Variants in KALRN observed in about 807,000 individuals in gnomAD.
The protein encoded by KALRN is kalirin.
Under a neutral mutation model 353.7 loss-of-function variants are expected in KALRN, and 70 were observed. That is an observed-to-expected ratio of 0.20 (90% CI 0.16 to 0.24). The LOEUF (loss-of-function observed/expected upper bound fraction) is 0.24. KALRN is among the 10% of genes least tolerant of loss of function. The probability of loss-of-function intolerance (pLI) is 1.00; values close to 1 mark genes in which losing one functional copy is unlikely to be tolerated. For missense variants in KALRN, 2,791 were observed against 3,756.7 expected (o/e 0.74, Z 6.72); for synonymous variants, 1,391 against 1,434.8 (o/e 0.97, Z 0.69).
At chr3:124,524,554 C>G (rs529811137) in intron 33 of KALRN, among the ~76,000 whole-genome samples, 1 of 152,196 alleles carries the variant, frequency 6.6e-6, no homozygotes, top group African/African-American at 2.4e-5. Context: ...AAATGACTAT[C>G]CTTTAAAAAA....
At chr3:124,534,534 G>A (rs1180254240) in intron 33 of KALRN, among the ~76,000 whole-genome samples, 2 of 152,026 alleles carry the variant, frequency 1.3e-5, no homozygotes, top group Admixed American at 6.6e-5. Context: ...AGAACTTCAA[G>A]TAAAATAAAA....
At chr3:124,670,487 A>G (rs2086270699) in intron 47 of KALRN, among the ~76,000 whole-genome samples, 1 of 152,230 alleles carries the variant, frequency 6.6e-6, no homozygotes, top group Non-Finnish European at 1.5e-5. Context: ...ATGACGGACC[A>G]GGGCCAGGCT....
chr3:124,540,562 C>T (rs755411343), intron 33 of KALRN, among the ~76,000 whole-genome samples: 6 of 152,184 alleles, frequency 3.9e-5, no homozygotes, highest in Non-Finnish European at 5.9e-5. Context: ...TTTTGGAGAG[C>T]TGGAGTGGAC....
intron 33 of KALRN, among the ~76,000 whole-genome samples, chr3:124,550,984 G>A (rs930570338): frequency 3.3e-5 from 5 of 151,822 alleles, no homozygotes; most frequent in Admixed American, 2.0e-4. Context: ...GCAAGACTCC[G>A]TCTCAAAATA....
At chr3:124,493,734 C>T (rs187246568) in intron 32 of KALRN, among the ~76,000 whole-genome samples, 7 of 152,152 alleles carry the variant, frequency 4.6e-5, no homozygotes, top group African/African-American at 7.2e-5. Context: ...CCTATGAAGC[C>T]GCAGCAGCAT....
intron 33 of KALRN, among the ~76,000 whole-genome samples, chr3:124,533,735 A>G (rs752766459): frequency 2.6e-5 from 4 of 152,194 alleles, no homozygotes; most frequent in Non-Finnish European, 5.9e-5. Context: ...CAAGCACATT[A>G]AGGACACTGG....
chr3:124,231,951 A>G (rs2079207374), intron 2 of KALRN, among the ~76,000 whole-genome samples: 1 of 152,128 alleles, frequency 6.6e-6, no homozygotes, highest in Non-Finnish European at 1.5e-5. Flanking sequence ...AAAGTCCTCC[A>G]CCTACCTACC....
chr3:124,351,687 T>C (rs1434057867), intron 10 of KALRN, among the ~76,000 whole-genome samples: 1 of 152,196 alleles, frequency 6.6e-6, no homozygotes, highest in Non-Finnish European at 1.5e-5. Context: ...TCAGTCTTTG[T>C]AGTAAAGACA....
At chr3:124,169,893 A>C (rs2071482213) in intron 1 of KALRN, among the ~76,000 whole-genome samples, 1 of 152,142 alleles carries the variant, frequency 6.6e-6, no homozygotes, top group Admixed American at 6.5e-5. Flanking sequence ...TTTTCCACGA[A>C]GGAAACTAGA....
chr3:124,420,164 A>G (rs2092712333), intron 14 of KALRN, among the ~76,000 whole-genome samples: 2 of 152,232 alleles, frequency 1.3e-5, no homozygotes, highest in Non-Finnish European at 2.9e-5. Context: ...CACATAAAAC[A>G]ACATCAAATG....
intron 1 of KALRN, among the ~76,000 whole-genome samples, chr3:124,165,888 C>T (rs2070764529): frequency 6.6e-6 from 1 of 152,174 alleles, no homozygotes; most frequent in Admixed American, 6.5e-5. Flanking sequence ...GCCTCTTTCT[C>T]AAACCTCTCT....
intron 37 of KALRN, among the ~76,000 whole-genome samples, chr3:124,642,746 G>A (rs1357907861): frequency 6.8e-6 from 1 of 148,084 alleles, no homozygotes; most frequent in African/African-American, 2.5e-5. Context: ...TTGCAGAGGT[G>A]TATGTTTCCA....
chr3:124,491,388 G>C lies in KALRN; in HGVS notation c.4653G>C (p.Gly1551=). The C allele has an allele frequency of 6.2e-7, 1 of 1,610,102 alleles. No individual in the cohort carries two copies. Among genetic ancestry groups the C allele is most frequent in the Non-Finnish European group, 8.5e-7 (1 of 1,177,924 alleles). The change falls in exon 31 of 60, where the codon GGG becomes GGC. Residue 1551 remains glycine, a synonymous_variant. Coordinates refer to ENST00000682506, the MANE Select transcript of KALRN (RefSeq NM_001388419.1). ...GDPCKFALWS[G]RTPSSDNKTV... ...CCTGCAAATTCGCCTTGTGGTCTGG[G>C]CGCACCCCATCCTCAGACAATAAAA...
intron 34 of KALRN, among the ~76,000 whole-genome samples, chr3:124,629,799 TC>T (rs71270412): frequency 0.015 from 1,170 of 75,676 alleles, 15 homozygotes; most frequent in African/African-American, 0.064. Flanking sequence ...TTTCATTTTT[TC>T]TCTCTCTCTC....
intron 51 of KALRN, chr3:124,679,749 A>G (rs1221370760): frequency 3.5e-6 from 2 of 578,424 alleles, no homozygotes; most frequent in South Asian, 2.0e-5. Context: ...GTTATCTTGA[A>G]TGCTTGCTAA....
chr3:124,697,749 T>G, intron 55 of KALRN, 25 bp downstream of exon 55: 1 of 1,478,800 alleles, frequency 6.8e-7, no homozygotes, highest in Admixed American at 2.7e-5. Flanking sequence ...GCTCTTCTTT[T>G]TCTTTTCTCT....
At chr3:124,600,005 A>G (rs1235075597) in intron 34 of KALRN, among the ~76,000 whole-genome samples, 1 of 152,234 alleles carries the variant, frequency 6.6e-6, no homozygotes, top group Non-Finnish European at 1.5e-5. Flanking sequence ...CTACCAGCAT[A>G]TGCAAGCCAG....
At chr3:124,569,020 G>C (rs1369218633) in intron 34 of KALRN, among the ~76,000 whole-genome samples, 2 of 152,178 alleles carry the variant, frequency 1.3e-5, no homozygotes, top group Non-Finnish European at 2.9e-5. Context: ...TCTGCCCCAG[G>C]CTCCAATAAC....
At chr3:124,647,932 A>T (rs2150066814) in intron 37 of KALRN, among the ~76,000 whole-genome samples, 1 of 152,298 alleles carries the variant, frequency 6.6e-6, no homozygotes, top group Non-Finnish European at 1.5e-5. Context: ...TTGCATTTCT[A>T]TTCCCCATCC....
Sources: allele counts gnomAD v4.1 joint callset (sites outside exome capture counted in the v4.1 genomes callset), GRCh38; gene constraint gnomAD v4.1.1; transcripts MANE v1.5; gene names NCBI Gene and HGNC (gene_info 2026-07-23, HGNC 2026-07-21).